The following MACROD2 variants were observed in gnomAD, a reference collection of about 807,000 sequenced individuals.
MACROD2 encodes mono-ADP ribosylhydrolase 2, also known as ADP-ribose glycohydrolase MACROD2.
Under a neutral mutation model 70.4 loss-of-function variants are expected in MACROD2, and 36 were observed. That is an observed-to-expected ratio of 0.51 (90% CI 0.39 to 0.68). MACROD2 has a LOEUF of 0.68. Ranked by LOEUF, MACROD2 falls within the 30% of genes least tolerant of loss-of-function variation. MACROD2 has a pLI of 0.00. For synonymous variants in MACROD2, 172 were observed against 178.8 expected, an observed-to-expected ratio of 0.96 and a Z score of 0.30; for missense variants, 496 against 538.4, an observed-to-expected ratio of 0.92 and a Z score of 0.78.
chr20:15,982,468 A>C (rs776314239), intron 13 of MACROD2, among the ~76,000 whole-genome samples: 1 of 152,066 alleles, frequency 6.6e-6, no homozygotes, highest in Non-Finnish European at 1.5e-5. Flanking sequence ...CCATGTGTGG[A>C]CCAGTCAGCT....
At chr20:15,799,265 C>T (rs1237564326) in intron 8 of MACROD2, among the ~76,000 whole-genome samples, 1 of 152,188 alleles carries the variant, frequency 6.6e-6, no homozygotes, top group East Asian at 1.9e-4. Context: ...ATATCCCTCA[C>T]CTCAAGCGTT....
At chr20:15,986,010 A>C (rs1410815122) in intron 13 of MACROD2, 2 of 152,242 alleles carry the variant, frequency 1.3e-5, no homozygotes, top group Non-Finnish European at 2.9e-5. Context: ...GAAACAGAAC[A>C]GGGCAGAGAG....
chr20:14,110,708 C>A, intron 3 of MACROD2, among the ~76,000 whole-genome samples: 1 of 151,676 alleles, frequency 6.6e-6, no homozygotes, highest in Admixed American at 6.6e-5. Context: ...AACATTGATG[C>A]CAGAAATTGA....
At chr20:14,299,939 A>G (rs58584977) in intron 3 of MACROD2, among the ~76,000 whole-genome samples, 4,466 of 152,252 alleles carry the variant, frequency 0.029, 218 homozygotes, top group African/African-American at 0.1. Context: ...TATTTATTCC[A>G]AGAAGCTCGA....
At chr20:14,781,129 T>C (rs1003164449) in intron 5 of MACROD2, among the ~76,000 whole-genome samples, 1 of 152,070 alleles carries the variant, frequency 6.6e-6, no homozygotes, top group African/African-American at 2.4e-5. Context: ...TGCTGCTCAA[T>C]AGAACACCAG....
At position 13,996,128 on chromosome 20, in the gene MACROD2, C is replaced by T. The variant is rs879529005; in HGVS notation, c.46+319C>T. On this transcript the variant is annotated intron_variant, in intron 1 of 17. Transcript: ENST00000684519. ...GCGGCGGGGACCCCCAGGCGGCAGC[C>T]CCGGGCGCGGCACAAGTTCCTCTGC... is the stretch of plus-strand genomic sequence containing the variant. Among the ~76,000 whole-genome samples the T allele has an allele frequency of 1.9e-3, 293 of 151,306 alleles. 1 individual carries two copies. Among genetic ancestry groups the T allele is most frequent in the Middle Eastern group, 6.8e-3 (2 of 292 alleles).
chr20:15,047,243 T>C (rs1395005594), intron 5 of MACROD2, among the ~76,000 whole-genome samples: 2 of 152,226 alleles, frequency 1.3e-5, no homozygotes, highest in Non-Finnish European at 2.9e-5. Context: ...GTTTATAGTA[T>C]GTACTGTGCA....
chr20:15,300,661 T>C (rs2077633181), intron 6 of MACROD2, among the ~76,000 whole-genome samples: 1 of 152,166 alleles, frequency 6.6e-6, no homozygotes, highest in East Asian at 1.9e-4. Flanking sequence ...AATTCCACTT[T>C]TTTTCTTGAG....
chr20:14,096,241 G>C (rs1313664915), intron 3 of MACROD2, among the ~76,000 whole-genome samples: 1 of 152,070 alleles, frequency 6.6e-6, no homozygotes, highest in East Asian at 1.9e-4. Context: ...AGTATGTATC[G>C]AGTACTCTTT....
chr20:14,316,782 A>G (rs994229302), intron 3 of MACROD2, among the ~76,000 whole-genome samples: 8 of 152,176 alleles, frequency 5.3e-5, no homozygotes, highest in African/African-American at 1.7e-4. Flanking sequence ...TATTTTGAGC[A>G]TCTTTCCACC....
rs201051850 is a variant in MACROD2, at chr20:15,478,766, A to AC, written c.572-21008_572-21007insC. The stretch of plus-strand genomic sequence containing the variant: ...CAGTGATGTCTTCTCTAATTCTTAA[A>AC]TTAAGACTGTGCAGAGAAGGAAGAA... On this transcript the variant is annotated intron_variant, in intron 7 of 17. Coordinates refer to ENST00000684519, the MANE Select transcript of MACROD2 (RefSeq NM_001351661.2). Among the ~76,000 whole-genome samples the AC allele has an allele frequency of 9.8e-5, 15 of 152,320 alleles. No individual in the cohort carries two copies. The East Asian group carries it at 2.7e-3, about 27-fold the overall frequency.
At position 15,048,905 on chromosome 20, in the gene MACROD2, A is replaced by G. The variant is rs933561652; in HGVS notation, c.419-181035A>G. ...GTTTTTCAACATTGTTCTGTCACTT[A>G]ACAGTATATTTTGAACATTTTTCTC... On this transcript the variant is annotated intron_variant, in intron 5 of 17. Transcript: ENST00000684519. Among the ~76,000 whole-genome samples the G allele has an allele frequency of 2.0e-5, 3 of 152,126 alleles. No individual in the cohort carries two copies. In the East Asian group the frequency reaches 5.8e-4, roughly 29 times the overall value.
At chr20:14,461,838 T>C (rs1395849057) in intron 3 of MACROD2, among the ~76,000 whole-genome samples, 11 of 152,064 alleles carry the variant, frequency 7.2e-5, no homozygotes, top group Admixed American at 7.2e-4. Context: ...TATGGCTGCA[T>C]AGTATTCCAT....
intron 5 of MACROD2, among the ~76,000 whole-genome samples, chr20:14,887,743 AT>A (rs562414480): frequency 7.6e-4 from 116 of 151,958 alleles, no homozygotes; most frequent in South Asian, 2.5e-3. Flanking sequence ...CCAAAATGGT[AT>A]TTTTCATTTT....
At chr20:15,931,842 G>A (rs1230781071) in intron 10 of MACROD2, among the ~76,000 whole-genome samples, 1 of 151,886 alleles carries the variant, frequency 6.6e-6, no homozygotes, top group Non-Finnish European at 1.5e-5. Context: ...TTCCCCATCT[G>A]AAACTTTCTT....
At chr20:15,148,938 G>A (rs2076249433) in intron 5 of MACROD2, among the ~76,000 whole-genome samples, 2 of 152,160 alleles carry the variant, frequency 1.3e-5, no homozygotes, top group African/African-American at 2.4e-5. Flanking sequence ...ATAAAGGCTG[G>A]TCTGTTATCA....
chr20:15,175,469 A>G (rs985719691), intron 5 of MACROD2, among the ~76,000 whole-genome samples: 3 of 152,206 alleles, frequency 2.0e-5, no homozygotes, highest in South Asian at 2.1e-4. Flanking sequence ...TGCATGGCAA[A>G]CTTTTACAAT....
At chr20:15,065,881 G>T (rs2075570487) in intron 5 of MACROD2, among the ~76,000 whole-genome samples, 1 of 152,054 alleles carries the variant, frequency 6.6e-6, no homozygotes, top group East Asian at 1.9e-4. Flanking sequence ...TGTTGCATAA[G>T]AAACAACCAC....
At chr20:14,713,019 C>A (rs1158335560) in intron 5 of MACROD2, among the ~76,000 whole-genome samples, 2 of 151,382 alleles carry the variant, frequency 1.3e-5, no homozygotes, top group Non-Finnish European at 2.9e-5. Flanking sequence ...AAAACAGAGA[C>A]AAAAAGAAAA....
Sources: allele counts gnomAD v4.1 joint callset (sites outside exome capture counted in the v4.1 genomes callset), GRCh38; gene constraint gnomAD v4.1.1; transcripts MANE v1.5; gene names NCBI Gene and HGNC (gene_info 2026-07-23, HGNC 2026-07-21).